The following KCNC2 variants were observed in gnomAD, a reference collection of about 807,000 sequenced individuals.
The protein encoded by KCNC2 is voltage-gated potassium channel KCNC2.
KCNC2 carries 21 observed loss-of-function variants against 44.5 expected under a neutral mutation model. The ratio of observed to expected loss-of-function variants is 0.47; its 90% confidence interval spans 0.33 to 0.68. The LOEUF is 0.68. Ranked by LOEUF, KCNC2 falls within the 30% of genes least tolerant of loss-of-function variation. KCNC2 has a pLI of 0.01. For synonymous variants in KCNC2, 391 were observed against 339.1 expected (o/e 1.15, Z -1.68); for missense variants, 589 against 826.2 (o/e 0.71, Z 3.52).
At chr12:75,077,668 A>G (rs1010379112) in intron 2 of KCNC2, among the ~76,000 whole-genome samples, 3 of 152,174 alleles carry the variant, frequency 2.0e-5, no homozygotes, top group African/African-American at 7.2e-5. Flanking sequence ...CTTGATGACC[A>G]TAAGAATCTT....
Position 75,050,383 on chromosome 12 carries a change from G to A in KCNC2, c.1615+7C>T, listed in dbSNP as rs967789486. 1.4e-5 allele frequency: 23 copies of A among 1,591,964 alleles called. No individual in the cohort carries two copies. The highest frequency in any genetic ancestry group is 1.9e-5 in the Non-Finnish European group (22 of 1,164,462). On this transcript the variant is annotated splice_region_variant and intron_variant, in intron 3 of 4. Coordinates refer to ENST00000549446, the MANE Select transcript of KCNC2 (RefSeq NM_139137.4). Reference sequence around the variant, plus strand: ...TTTAATAACATGCATTTGAAGTCCTGCCTTACCTGATCTGTTATGTTCCAG... The same window carrying A: ...TTTAATAACATGCATTTGAAGTCCTACCTTACCTGATCTGTTATGTTCCAG...
chr12:75,113,897 G>GA (rs1033680476), intron 2 of KCNC2, among the ~76,000 whole-genome samples: 6 of 151,420 alleles, frequency 4.0e-5, no homozygotes, highest in South Asian at 2.1e-4. Context: ...TCTCTCCAGG[G>GA]AAAAAAAAGA....
chr12:75,079,624 A>T (rs1042960804), intron 2 of KCNC2, among the ~76,000 whole-genome samples: 6 of 152,148 alleles, frequency 3.9e-5, no homozygotes, highest in Admixed American at 3.3e-4. Context: ...GACATCATGA[A>T]TATGAACAGT....
intron 2 of KCNC2, among the ~76,000 whole-genome samples, chr12:75,081,512 A>G (rs891293217): frequency 3.3e-5 from 5 of 151,902 alleles, no homozygotes; most frequent in Admixed American, 6.6e-5. Context: ...ACCAACTTCA[A>G]AATACTTTTG....
At chr12:75,150,074 T>C (rs1890284645) in intron 2 of KCNC2, among the ~76,000 whole-genome samples, 1 of 151,860 alleles carries the variant, frequency 6.6e-6, no homozygotes, top group Non-Finnish European at 1.5e-5. Flanking sequence ...GAATATAAAC[T>C]GACATTCTGC....
At chr12:75,159,005 T>C (rs915633817) in intron 2 of KCNC2, among the ~76,000 whole-genome samples, 1 of 151,324 alleles carries the variant, frequency 6.6e-6, no homozygotes, top group Non-Finnish European at 1.5e-5. Context: ...AATAGGTGTG[T>C]AACACTGTTA....
chr12:75,076,194 A>G (rs1338643490), intron 2 of KCNC2, among the ~76,000 whole-genome samples: 1 of 152,228 alleles, frequency 6.6e-6, no homozygotes, highest in East Asian at 1.9e-4. Flanking sequence ...CAGACTTAAG[A>G]ATATCAAAAT....
intron 2 of KCNC2, among the ~76,000 whole-genome samples, chr12:75,079,308 A>T (rs749966373): frequency 1.3e-5 from 2 of 152,134 alleles, no homozygotes; most frequent in Non-Finnish European, 2.9e-5. Context: ...GAAATTCTCC[A>T]GTGACCTTCC....
intron 2 of KCNC2, among the ~76,000 whole-genome samples, chr12:75,128,117 T>C (rs1888566744): frequency 6.6e-6 from 1 of 152,154 alleles, no homozygotes; most frequent in African/African-American, 2.4e-5. Flanking sequence ...TGGAAATCTA[T>C]TATATTCACT....
intron 2 of KCNC2, among the ~76,000 whole-genome samples, chr12:75,088,741 T>G (rs1043483576): frequency 1.3e-5 from 2 of 151,998 alleles, no homozygotes; most frequent in African/African-American, 4.8e-5. Flanking sequence ...CCAATGGTGT[T>G]TTTGCAAGTT....
At chr12:75,160,516 GT>G (rs1179735268) in intron 2 of KCNC2, among the ~76,000 whole-genome samples, 2 of 151,756 alleles carry the variant, frequency 1.3e-5, no homozygotes, top group Non-Finnish European at 2.9e-5. Flanking sequence ...AGGTTTACTA[GT>G]TCTATAACTC....
At chr12:75,137,829 C>T (rs1048020350) in intron 2 of KCNC2, among the ~76,000 whole-genome samples, 1 of 152,200 alleles carries the variant, frequency 6.6e-6, no homozygotes, top group Admixed American at 6.5e-5. Context: ...TGGGAAGGAA[C>T]AGCGCATCAG....
intron 2 of KCNC2, among the ~76,000 whole-genome samples, chr12:75,119,263 A>T (rs993120599): frequency 5.3e-5 from 8 of 152,204 alleles, no homozygotes; most frequent in Non-Finnish European, 1.0e-4. Context: ...CAAAAACAGC[A>T]TGCAGAGGCT....
intron 2 of KCNC2, among the ~76,000 whole-genome samples, chr12:75,064,890 G>C (rs1048290298): frequency 6.6e-6 from 1 of 151,826 alleles, no homozygotes; most frequent in Non-Finnish European, 1.5e-5. Context: ...AAGAAAAATC[G>C]TTTAGTATGC....
chr12:75,116,274 C>T (rs946408482), intron 2 of KCNC2, among the ~76,000 whole-genome samples: 3 of 152,122 alleles, frequency 2.0e-5, no homozygotes, highest in Admixed American at 6.5e-5. Context: ...ACCAGAAAGA[C>T]AGCTGAACTC....
At position 75,102,482 on chromosome 12, in the gene KCNC2, A is replaced by G. The variant is rs139907431; in HGVS notation, c.688-51165T>C. ...CAGGAAGAAACCAAGCCAGTGGCCA[A>G]GATGACCCTCAATAAAAAGCTACAG... is the stretch of plus-strand genomic sequence containing the variant. On this transcript the variant is annotated intron_variant, in intron 2 of 4. Coordinates refer to ENST00000549446, the MANE Select transcript of KCNC2 (RefSeq NM_139137.4). Among the ~76,000 whole-genome samples the G allele has an allele frequency of 3.3e-5, 5 of 152,220 alleles. No homozygotes were observed. The East Asian group carries it at 9.7e-4, about 29-fold the overall frequency.
intron 2 of KCNC2, among the ~76,000 whole-genome samples, chr12:75,064,870 C>T (rs1423964343): frequency 6.6e-6 from 1 of 151,950 alleles, no homozygotes; most frequent in African/African-American, 2.4e-5. Context: ...ACGTTTACAA[C>T]TGTTACTTCA....
chr12:75,177,442 C>T (rs2446316), intron 2 of KCNC2, among the ~76,000 whole-genome samples: 100,128 of 151,740 alleles, frequency 0.66, 35,209 homozygotes, highest in African/African-American at 0.91. Context: ...TGCTTTCAGC[C>T]ACAATAAACA....
intron 2 of KCNC2, among the ~76,000 whole-genome samples, chr12:75,060,607 A>G (rs1224449785): frequency 1.3e-5 from 2 of 151,944 alleles, no homozygotes; most frequent in African/African-American, 4.8e-5. Flanking sequence ...CTGGGATTAC[A>G]TGCATGTGCC....
Sources: gnomAD v4.1 joint callset for allele counts (sites outside exome capture counted in the v4.1 genomes callset) on GRCh38, gnomAD v4.1.1 for gene constraint, MANE v1.5 for transcripts, NCBI Gene and HGNC (gene_info 2026-07-23, HGNC 2026-07-21) for gene names.